CABLES1: variants seen among roughly 807,000 people sequenced by gnomAD.
CABLES1 encodes Cdk5 and Abl enzyme substrate 1, also known as CDK5 and ABL1 enzyme substrate 1.
A neutral mutation model predicts 57.8 loss-of-function variants in CABLES1; 36 were observed. The observed-to-expected ratio is 0.62, with a 90% CI of 0.48 to 0.82. The LOEUF (loss-of-function observed/expected upper bound fraction) is 0.82. CABLES1 is among the 40% of genes least tolerant of loss of function. CABLES1 has a pLI of 0.00. For missense variants in CABLES1, 767 were observed against 836.6 expected, an observed-to-expected ratio of 0.92 and a Z score of 1.03; for synonymous variants, 374 against 363.0, an observed-to-expected ratio of 1.03 and a Z score of -0.35.
At position 23,135,882 on chromosome 18, in the gene CABLES1, G is replaced by T. The variant is rs2046815276; in HGVS notation, c.120G>T (p.Ala40=). The change falls in exon 1 of 10, where the codon GCG becomes GCT. Residue 40 remains alanine, a synonymous_variant. Transcript: ENST00000256925. ...CGCCGCAGCCCCAGCCTCAGCCCGCGGCCGCCGCGCCGGCCCAGCCGCCGC... is the reference window on the plus strand; with the variant it reads ...CGCCGCAGCCCCAGCCTCAGCCCGCTGCCGCCGCGCCGGCCCAGCCGCCGC... ...QPPPQPQPQP[A]AAAPAQPPPE... 1 of 1,048,656 alleles carries T rather than the reference G, an allele frequency of 9.5e-7. No homozygotes were observed. Among genetic ancestry groups the T allele is most frequent in the Non-Finnish European group, 1.1e-6 (1 of 874,866 alleles). The allele number at this position is 1,048,656 out of a possible 1,614,324, so 65.0% of individuals were successfully genotyped here.
At chr18:23,156,076 A>G in intron 1 of CABLES1, 4 of 1,158,366 alleles carry the variant, frequency 3.5e-6, no homozygotes, top group Non-Finnish European at 3.8e-6. Context: ...GAAAAGCGGG[A>G]TGTCAGTCCT....
At chr18:23,232,984 C>A (rs759454267) in intron 4 of CABLES1, among the ~76,000 whole-genome samples, 2 of 152,160 alleles carry the variant, frequency 1.3e-5, no homozygotes, top group Non-Finnish European at 2.9e-5. Context: ...GAGCAATTTG[C>A]CCCTGCCTTA....
chr18:23,185,937 C>T (rs1331255316), intron 1 of CABLES1, among the ~76,000 whole-genome samples: 3 of 152,156 alleles, frequency 2.0e-5, no homozygotes, highest in Non-Finnish European at 2.9e-5. Context: ...TTCATCACTG[C>T]CTTCTGGCTG....
intron 1 of CABLES1, among the ~76,000 whole-genome samples, chr18:23,152,637 A>G (rs2046938408): frequency 6.6e-6 from 1 of 151,680 alleles, no homozygotes; most frequent in Non-Finnish European, 1.5e-5. Flanking sequence ...GGCACCTGCC[A>G]TCATGCCCGG....
chr18:23,195,742 A>G (rs2047277798), intron 3 of CABLES1, among the ~76,000 whole-genome samples: 1 of 152,234 alleles, frequency 6.6e-6, no homozygotes, highest in Middle Eastern at 3.2e-3. Flanking sequence ...GTTAAATCGA[A>G]TACTCTGAAT....
chr18:23,198,633 G>C lies in CABLES1; in HGVS notation c.1010+4093G>C, dbSNP rs534872694. On this transcript the variant is annotated intron_variant, in intron 3 of 9. Coordinates refer to ENST00000256925, the MANE Select transcript of CABLES1 (RefSeq NM_001100619.3). ...CCCTTAAAAGCGGAAGAAGGAGGCA[G>C]GATCGTCAGTGTCAAGAGTGATGCA... 2.0e-5 allele frequency among the ~76,000 whole-genome samples: 3 copies of C among 152,354 alleles called. No individual in the cohort carries two copies. The East Asian group carries it at 5.8e-4, about 29-fold the overall frequency.
chr18:23,135,936 C>G lies in CABLES1; in HGVS notation c.174C>G (p.Asp58Glu). 1 of 1,116,552 alleles carries G rather than the reference C, an allele frequency of 9.0e-7. No individual in the cohort carries two copies. Among genetic ancestry groups the G allele is most frequent in the Non-Finnish European group, 1.1e-6 (1 of 918,106 alleles). 69.2% of individuals were successfully genotyped at this position (1,116,552 alleles called of 1,614,324 possible). ...PPEPPRKPRM[D>E]PRRRQAALSF... The stretch of plus-strand genomic sequence containing the variant: ...AACCCCCCCGGAAGCCGCGCATGGA[C>G]CCGCGGCGCCGCCAGGCTGCCCTCT... Residue 58 changes from aspartate (D) to glutamate (E), a missense_variant, in exon 1 of 10, where the codon GAC becomes GAG. Asp to Glu is a conservative substitution (Grantham distance 45, BLOSUM62 2). This residue lies in a region of CABLES1 where 198 missense variants were observed against 149.7 expected (regional missense o/e 1.32). Transcript: ENST00000256925.
chr18:23,151,974 G>A lies in CABLES1; in HGVS notation c.845+15367G>A, dbSNP rs905982920. Among the ~76,000 whole-genome samples the A allele has an allele frequency of 3.3e-5, 5 of 152,206 alleles. No individual in the cohort carries two copies. The East Asian group carries it at 5.8e-4, about 18-fold the overall frequency. ...CAACAGAGATGAAAGGCACAATGGA[G>A]ATGGATTAGATACGGAGCAGGGGGA... On this transcript the variant is annotated intron_variant, in intron 1 of 9. Transcript: ENST00000256925.
At chr18:23,157,761 T>G (rs973581584) in intron 1 of CABLES1, among the ~76,000 whole-genome samples, 6 of 152,118 alleles carry the variant, frequency 3.9e-5, no homozygotes, top group African/African-American at 1.2e-4. Context: ...CCAGCTACTC[T>G]GAAAGCTGAG....
At position 23,257,563 on chromosome 18, in the gene CABLES1, ACTC is replaced by A. The variant is rs2048198110; in HGVS notation, c.*200_*202del. Reference sequence around the variant, plus strand: ...AGCCAAGAGGAGCCATGAGCTATGGACTCCTCAAGCACGGGAAGAGGAGGTGTG... The same window carrying A: ...AGCCAAGAGGAGCCATGAGCTATGGACTCAAGCACGGGAAGAGGAGGTGTG... On this transcript the variant is annotated 3_prime_UTR_variant, in exon 10 of 10. Coordinates refer to ENST00000256925, the MANE Select transcript of CABLES1 (RefSeq NM_001100619.3). 5.5e-6 allele frequency: 3 copies of A among 549,970 alleles called. No homozygotes were observed. Among genetic ancestry groups the A allele is most frequent in the South Asian group, 5.7e-5 (2 of 34,862 alleles). 34.1% of individuals were successfully genotyped at this position (549,970 alleles called of 1,614,324 possible).
At chr18:23,162,846 G>A (rs1209499280) in intron 1 of CABLES1, among the ~76,000 whole-genome samples, 2 of 152,188 alleles carry the variant, frequency 1.3e-5, no homozygotes, top group East Asian at 3.9e-4. Context: ...AGCGGGAAGA[G>A]GGAAGCAAAG....
intron 1 of CABLES1, among the ~76,000 whole-genome samples, chr18:23,156,983 A>G (rs987066877): frequency 6.6e-6 from 1 of 152,258 alleles, no homozygotes; most frequent in Non-Finnish European, 1.5e-5. Context: ...GGTCACCTCA[A>G]CTAGGAATCT....
chr18:23,136,218 C>A lies in CABLES1; in HGVS notation c.456C>A (p.Gly152=). 1 of 1,260,152 alleles carries A rather than the reference C, an allele frequency of 7.9e-7. No homozygotes were observed. Among genetic ancestry groups the A allele is most frequent in the South Asian group, 3.1e-5 (1 of 32,294 alleles). The allele number at this position is 1,260,152 out of a possible 1,614,324, so 78.1% of individuals were successfully genotyped here. The change falls in exon 1 of 10, where the codon GGC becomes GGA. Residue 152 remains glycine (G), a synonymous_variant. Coordinates refer to ENST00000256925, the MANE Select transcript of CABLES1 (RefSeq NM_001100619.3). ...QPSSLPPLIP[G]GHATVSGPGV... The stretch of plus-strand genomic sequence containing the variant: ...CGTCGCTGCCGCCCTTGATTCCTGG[C>A]GGCCATGCGACCGTGTCCGGCCCCG...
In CABLES1 at chr18:23,258,424, TAAGCTGACTAAGGA is replaced by T. The variant is rs2048218379; in HGVS notation, c.*1058_*1071del. The T allele has an allele frequency of 1.3e-5, 2 of 152,274 alleles. No homozygotes were observed. The highest frequency in any genetic ancestry group is 2.4e-5 in the African/African-American group (1 of 41,464). 9.4% of individuals were successfully genotyped at this position (152,274 alleles called of 1,614,324 possible). On this transcript the variant is annotated 3_prime_UTR_variant, in exon 10 of 10. Coordinates refer to ENST00000256925, the MANE Select transcript of CABLES1 (RefSeq NM_001100619.3). ...GACAAACTGCGTTTGGAGCTGTGGT[TAAGCTGACTAAGGA>T]GGCGGTGGCTCTTTCTTAACATTCC...
intron 4 of CABLES1, among the ~76,000 whole-genome samples, chr18:23,222,014 G>A (rs952072506): frequency 1.3e-5 from 2 of 152,184 alleles, no homozygotes; most frequent in African/African-American, 4.8e-5. Flanking sequence ...ACAGTGTCTA[G>A]TGAGACTGCA....
chr18:23,221,032 C>G (rs1019294152), intron 4 of CABLES1, among the ~76,000 whole-genome samples: 1 of 152,144 alleles, frequency 6.6e-6, no homozygotes, highest in Non-Finnish European at 1.5e-5. Flanking sequence ...GCACCTTTTC[C>G]CCGATACACC....
chr18:23,231,004 C>G (rs2047563682), intron 4 of CABLES1, among the ~76,000 whole-genome samples: 1 of 150,992 alleles, frequency 6.6e-6, no homozygotes, highest in Non-Finnish European at 1.5e-5. Flanking sequence ...GGCATGGGTC[C>G]CATTTGATCA....
At chr18:23,222,050 C>T (rs1307008943) in intron 4 of CABLES1, among the ~76,000 whole-genome samples, 1 of 152,180 alleles carries the variant, frequency 6.6e-6, no homozygotes, top group African/African-American at 2.4e-5. Context: ...ATTTCCAAAG[C>T]CCAGGAGCTC....
At chr18:23,225,936 G>A (rs997887599) in intron 4 of CABLES1, among the ~76,000 whole-genome samples, 1 of 152,214 alleles carries the variant, frequency 6.6e-6, no homozygotes, top group Non-Finnish European at 1.5e-5. Context: ...CTGTGCCACC[G>A]CCATAGGGCC....
Sources: gnomAD v4.1 joint callset for allele counts (sites outside exome capture counted in the v4.1 genomes callset) on GRCh38, gnomAD v4.1.1 for gene constraint, gnomAD v4.1.1 regional missense constraint, MANE v1.5 for transcripts, NCBI Gene and HGNC (gene_info 2026-07-23, HGNC 2026-07-21) for gene names.